ITGB2: variants seen among roughly 807,000 people sequenced by gnomAD.
The protein encoded by ITGB2 is integrin beta-2.
Under a neutral mutation model 86.8 loss-of-function variants are expected in ITGB2, and 56 were observed. The observed-to-expected ratio is 0.65, with a 90% CI of 0.52 to 0.81. ITGB2 has a LOEUF of 0.81. Ranked by LOEUF, ITGB2 falls within the 30% of genes least tolerant of loss-of-function variation. The pLI, the probability that ITGB2 is intolerant of heterozygous loss-of-function variation, is 0.00. For missense variants in ITGB2, 948 were observed against 1,061.2 expected (o/e 0.89, Z 1.48); for synonymous variants, 457 against 450.4 (o/e 1.01, Z -0.19).
At position 44,916,039 on chromosome 21, in the gene ITGB2, C is replaced by T. The variant is rs2146557188; in HGVS notation, c.-4+4782G>A. On this transcript the variant is annotated intron_variant, in intron 1 of 15. Transcript: ENST00000652462. ...CCATGTTCAAGAAATTCTTCTGCCT[C>T]AGCCTCCTGAGTAGCTGGGACTATA... 1.3e-5 allele frequency among the ~76,000 whole-genome samples: 2 copies of T among 152,240 alleles called. 1 individual carries two copies. The highest frequency in any genetic ancestry group is 4.8e-5 in the African/African-American group (2 of 41,542).
Position 44,886,856 on chromosome 21 carries a change from C to A in ITGB2, c.2127G>T (p.Val709=), listed in dbSNP as rs753286912. 2.4e-5 allele frequency: 39 copies of A among 1,613,482 alleles called. No individual in the cohort carries two copies. The highest frequency in any genetic ancestry group is 3.1e-5 in the Non-Finnish European group (37 of 1,180,002). Residue 709 remains valine (V), a synonymous_variant, in exon 15 of 16, where the codon GTG becomes GTT. Transcript: ENST00000652462. ...GAATGCCGATCAGCACGATGCCTGC[C>A]ACGGTGCCCCCGACGATGGCGGCGA... ...PNIAAIVGGT[V]AGIVLIGILL...
upstream of ITGB2, among the ~76,000 whole-genome samples, chr21:44,924,762 C>CT (rs1432639967): frequency 2.6e-5 from 4 of 152,190 alleles, no homozygotes; most frequent in Non-Finnish European, 5.9e-5. Flanking sequence ...CACACTCACG[C>CT]TACGGGGTAA....
At position 44,886,524 on chromosome 21, in the gene ITGB2, C is replaced by T. The variant is rs1296710592; in HGVS notation, c.2248-94G>A. 2.0e-6 allele frequency: 3 copies of T among 1,476,604 alleles called. No individual in the cohort carries two copies. The African/African-American group carries it at 4.2e-5, about 20-fold the overall frequency. The allele number at this position is 1,476,604 out of a possible 1,614,324, so 91.5% of individuals were successfully genotyped here. A position where few individuals can be genotyped will look rare whatever the true frequency, so the allele number is the denominator to read the frequency against. ...GACACTCCCCGCATGGAAGCCGTCA[C>T]TTTGAGGAAGAGCTAGACGTGGGGC... On this transcript the variant is annotated intron_variant, in intron 15 of 15. Coordinates refer to ENST00000652462, the MANE Select transcript of ITGB2 (RefSeq NM_000211.5).
intron 1 of ITGB2, among the ~76,000 whole-genome samples, chr21:44,919,772 G>A (rs925893821): frequency 8.5e-5 from 13 of 152,216 alleles, no homozygotes; most frequent in African/African-American, 2.9e-4. Flanking sequence ...GAGGGGCCCC[G>A]GATGGACAGG....
At chr21:44,901,756 G>A (rs774272552) in intron 5 of ITGB2, 23 bp from the exon 6 acceptor site, 56 of 1,597,590 alleles carry the variant, frequency 3.5e-5, no homozygotes, top group Non-Finnish European at 4.5e-5. Context: ...TGGAGGGGCT[G>A]GGGAGGTGGC....
At chr21:44,889,584 C>A in intron 12 of ITGB2, 89 bp from the exon 13 acceptor site, 1 of 1,171,740 alleles carries the variant, frequency 8.5e-7, no homozygotes, top group South Asian at 1.3e-5. Flanking sequence ...CCCTCCGGCC[C>A]GCCTGCCTCC....
intron 1 of ITGB2, among the ~76,000 whole-genome samples, chr21:44,911,667 T>C (rs1162726153): frequency 2.6e-5 from 4 of 152,162 alleles, no homozygotes; most frequent in African/African-American, 9.7e-5. Context: ...TCCTGCCCTT[T>C]TGTTTCCAGA....
At chr21:44,893,896 A>G (rs952164839) in intron 9 of ITGB2, 1 of 355,108 alleles carries the variant, frequency 2.8e-6, no homozygotes, top group Non-Finnish European at 5.6e-6. Flanking sequence ...AGAGAGAGGC[A>G]GAGACAGACA....
In ITGB2 at chr21:44,886,447, A is replaced by T; in HGVS notation, c.2248-17T>A. 2 of 1,613,632 alleles carry T rather than the reference A, an allele frequency of 1.2e-6. No individual in the cohort carries two copies. Among genetic ancestry groups the T allele is most frequent in the Non-Finnish European group, 1.7e-6 (2 of 1,179,544 alleles). ...GGGATTATCCTGGTGGGAAATGCAA[A>T]CAGGGGCTTGTGAGTGTGGGAGGTT... On this transcript the variant is annotated splice_polypyrimidine_tract_variant and intron_variant, in intron 15 of 15. Coordinates refer to ENST00000652462, the MANE Select transcript of ITGB2 (RefSeq NM_000211.5).
At chr21:44,903,871 C>T (rs1281185373) in intron 4 of ITGB2, among the ~76,000 whole-genome samples, 1 of 152,130 alleles carries the variant, frequency 6.6e-6, no homozygotes, top group Non-Finnish European at 1.5e-5. Flanking sequence ...ACACCTAACC[C>T]GGCCCCATGC....
intron 1 of ITGB2, among the ~76,000 whole-genome samples, chr21:44,917,682 T>G (rs965651529): frequency 6.6e-6 from 1 of 152,156 alleles, no homozygotes; most frequent in Non-Finnish European, 1.5e-5. Flanking sequence ...ACTCCAGGAC[T>G]CCTGGACTCT....
In ITGB2 at chr21:44,908,730, C is replaced by T. The variant is rs182192282; in HGVS notation, c.147+1554G>A. Among the ~76,000 whole-genome samples the T allele has an allele frequency of 3.8e-4, 58 of 152,292 alleles. No individual in the cohort carries two copies. The East Asian group carries it at 6.8e-3, about 18-fold the overall frequency. The stretch of plus-strand genomic sequence containing the variant: ...CTGTCTGCGGCTTGTCCGGCTACAA[C>T]GGTGCTGGAGCCCAGACTCTCAGGG... On this transcript the variant is annotated intron_variant, in intron 3 of 15. Transcript: ENST00000652462.
rs200144784 is a variant in ITGB2 at position 44,889,264 on chromosome 21, G to A, written c.1877+12C>T. ...GATCCCTGCCCGCCCTGCCTGCTCCGCCTGCACTCACATGTACTTGCCACA... is the reference window on the plus strand; with the variant it reads ...GATCCCTGCCCGCCCTGCCTGCTCCACCTGCACTCACATGTACTTGCCACA... On this transcript the variant is annotated intron_variant, in intron 13 of 15. Coordinates refer to ENST00000652462, the MANE Select transcript of ITGB2 (RefSeq NM_000211.5). The A allele has an allele frequency of 8.6e-5, 138 of 1,611,482 alleles. No homozygotes were observed. Among genetic ancestry groups the A allele is most frequent in the African/African-American group, 6.5e-4 (49 of 74,968 alleles).
rs557673704 is a variant in ITGB2, at chr21:44,888,195, G to A, written c.2080+498C>T. Among the ~76,000 whole-genome samples the A allele has an allele frequency of 8.5e-5, 13 of 152,296 alleles. No individual in the cohort carries two copies. The East Asian group carries it at 1.9e-3, about 23-fold the overall frequency. On this transcript the variant is annotated intron_variant, in intron 14 of 15. Coordinates refer to ENST00000652462, the MANE Select transcript of ITGB2 (RefSeq NM_000211.5). ...TCACTGTGGGGCTGGGACTGGTTCC[G>A]ACTGGACTGGAGCCGAACGAGTGAT...
intron 4 of ITGB2, among the ~76,000 whole-genome samples, chr21:44,906,685 AC>A (rs1369735593): frequency 1.3e-5 from 2 of 151,974 alleles, no homozygotes; most frequent in East Asian, 3.9e-4. Context: ...GAGTGCAGAC[AC>A]TGGGCACCGA....
upstream of ITGB2, chr21:44,921,077 C>G (rs1419724734): frequency 6.6e-6 from 1 of 152,272 alleles, no homozygotes; most frequent in Non-Finnish European, 1.5e-5. Flanking sequence ...CATGTCATTT[C>G]TCACATGAGG....
rs1000374915 is a variant in ITGB2, at chr21:44,890,123, G to T, written c.1512C>A (p.Ile504=). Residue 504 remains isoleucine (I), a synonymous_variant, in exon 12 of 16, where the codon ATC becomes ATA. Coordinates refer to ENST00000652462, the MANE Select transcript of ITGB2 (RefSeq NM_000211.5). ...CACAGTCCCCCAGCCCTGAGCAGAT[G>T]ATGGAGTTGTTGTCCTTCCGGCAGC... is the stretch of plus-strand genomic sequence containing the variant. ...EGSCRKDNNS[I]ICSGLGDCVC... 6.2e-7 allele frequency: 1 copy of T among 1,613,482 alleles called. No individual in the cohort carries two copies.
rs1471338870 is a variant in ITGB2 at position 44,914,499 on chromosome 21, CG to C, written c.-3-3715del. Among the ~76,000 whole-genome samples the C allele has an allele frequency of 2.6e-5, 4 of 152,210 alleles. No individual in the cohort carries two copies. In the South Asian group the frequency reaches 8.3e-4, roughly 31 times the overall value. On this transcript the variant is annotated intron_variant, in intron 1 of 15. Transcript: ENST00000652462. ...CACAGCTAACAAGAACCACACTTCA[CG>C]GTGAGCAAAGCTCTGAACATTCAGG...
intron 3 of ITGB2, chr21:44,908,145 G>A (rs555729396): frequency 1.3e-5 from 10 of 742,052 alleles, no homozygotes; most frequent in African/African-American, 5.1e-5. Context: ...GGGACTGCTC[G>A]CCGCGGTGGC....
Sources: allele counts gnomAD v4.1 joint callset (sites outside exome capture counted in the v4.1 genomes callset), GRCh38; gene constraint gnomAD v4.1.1; transcripts MANE v1.5; gene names NCBI Gene and HGNC (gene_info 2026-07-23, HGNC 2026-07-21).